The following SGCD variants were observed in gnomAD, a reference collection of about 807,000 sequenced individuals.
SGCD encodes the protein sarcoglycan delta, also known as delta-sarcoglycan.
A neutral mutation model predicts 36.6 loss-of-function variants in SGCD; 18 were observed. That is an observed-to-expected ratio of 0.49 (90% CI 0.34 to 0.73). The LOEUF (loss-of-function observed/expected upper bound fraction) is 0.73, where lower values mean the gene tolerates loss of function less well. Ranked by LOEUF, SGCD falls within the 30% of genes least tolerant of loss-of-function variation. The probability of loss-of-function intolerance (pLI) is 0.01; values close to 1 mark genes in which losing one functional copy is unlikely to be tolerated. For synonymous variants in SGCD, 133 were observed against 130.6 expected (o/e 1.02, Z -0.12); for missense variants, 387 against 346.7 (o/e 1.12, Z -0.92).
intron 7 of SGCD, among the ~76,000 whole-genome samples, chr5:156,677,438 G>A (rs1386955360): frequency 2.0e-5 from 3 of 151,792 alleles, no homozygotes; most frequent in South Asian, 2.1e-4. Flanking sequence ...CTATCGCAAG[G>A]ACAGAAAACC....
chr5:156,589,641 A>G (rs1022743230), intron 5 of SGCD, among the ~76,000 whole-genome samples: 27 of 152,198 alleles, frequency 1.8e-4, no homozygotes, highest in African/African-American at 4.8e-4. Context: ...TCTTGCTCCA[A>G]TGCTGGAGGA....
intron 1 of SGCD, among the ~76,000 whole-genome samples, chr5:155,967,515 C>G (rs554400508): frequency 2.0e-5 from 3 of 152,044 alleles, no homozygotes; most frequent in African/African-American, 7.2e-5. Context: ...TTTAAGGTTT[C>G]CATCATGATG....
chr5:156,285,923 A>C (rs569806995), intron 3 of SGCD, among the ~76,000 whole-genome samples: 2 of 152,328 alleles, frequency 1.3e-5, no homozygotes, highest in Admixed American at 6.5e-5. Context: ...TAATCTACTC[A>C]TCTGACAAAG....
At chr5:156,757,856 G>T in intron 8 of SGCD, 152 bp downstream of exon 8, 1 of 1,334,874 alleles carries the variant, frequency 7.5e-7, no homozygotes, top group South Asian at 2.5e-5. Context: ...TGAGCAGCAT[G>T]ATTATAAGCC....
chr5:155,993,337 C>CTTTTT (rs34221751), intron 1 of SGCD, among the ~76,000 whole-genome samples: 4 of 114,538 alleles, frequency 3.5e-5, no homozygotes, highest in African/African-American at 1.3e-4. Context: ...ATCTGGGGTC[C>CTTTTT]TTTTTTTTTT....
At chr5:155,973,243 C>T (rs922504170) in intron 1 of SGCD, among the ~76,000 whole-genome samples, 2 of 152,170 alleles carry the variant, frequency 1.3e-5, no homozygotes, top group African/African-American at 2.4e-5. Context: ...GCAGTGAAGT[C>T]CAAACCAGGA....
intron 1 of SGCD, among the ~76,000 whole-genome samples, chr5:156,114,985 A>G (rs946295194): frequency 6.6e-6 from 1 of 152,200 alleles, no homozygotes; most frequent in Non-Finnish European, 1.5e-5. Context: ...TGTATTATAA[A>G]ATATTACATT....
intron 3 of SGCD, among the ~76,000 whole-genome samples, chr5:156,249,326 A>C (rs540566842): frequency 6.6e-6 from 1 of 152,200 alleles, no homozygotes; most frequent in African/African-American, 2.4e-5. Flanking sequence ...AGAGTGTTCA[A>C]TTAGGGGAGA....
intron 1 of SGCD, among the ~76,000 whole-genome samples, chr5:156,015,392 T>C (rs1758947776): frequency 6.6e-6 from 1 of 152,122 alleles, no homozygotes; most frequent in Non-Finnish European, 1.5e-5. Context: ...TCATTATCTT[T>C]TGAGCATTTA....
At chr5:156,750,128 A>G (rs538563628) in intron 7 of SGCD, among the ~76,000 whole-genome samples, 1 of 152,230 alleles carries the variant, frequency 6.6e-6, no homozygotes, top group African/African-American at 2.4e-5. Flanking sequence ...ATATTCCATT[A>G]TATAAAATAG....
At chr5:155,852,689 G>C in the SGCD span, among the ~76,000 whole-genome samples, 3 of 152,124 alleles carry the variant, frequency 2.0e-5, no homozygotes, top group African/African-American at 7.2e-5. Flanking sequence ...AAAAAGAAAA[G>C]TGAAGGAGAA....
At chr5:156,650,473 T>G (rs1393773736) in intron 7 of SGCD, among the ~76,000 whole-genome samples, 1 of 152,100 alleles carries the variant, frequency 6.6e-6, no homozygotes, top group African/African-American at 2.4e-5. Flanking sequence ...AGGTAGTTTT[T>G]CAGCCCTTTG....
chr5:156,072,121 T>C (rs1760591227), intron 1 of SGCD, among the ~76,000 whole-genome samples: 1 of 151,930 alleles, frequency 6.6e-6, no homozygotes, highest in Admixed American at 6.5e-5. Flanking sequence ...GAGCATTTAG[T>C]CCATTTACAT....
intron 1 of SGCD, among the ~76,000 whole-genome samples, chr5:155,875,255 G>T (rs1227570784): frequency 1.3e-5 from 2 of 152,046 alleles, no homozygotes; most frequent in Non-Finnish European, 2.9e-5. Flanking sequence ...TTGGAAGGAG[G>T]TACAAGTAAA....
intron 1 of SGCD, among the ~76,000 whole-genome samples, chr5:155,922,869 G>A (rs769097709): frequency 6.6e-6 from 1 of 152,190 alleles, no homozygotes; most frequent in Non-Finnish European, 1.5e-5. Flanking sequence ...ATCACCAGAA[G>A]CTCCAGCCCA....
At chr5:156,348,371 A>G (rs1232464740) in intron 3 of SGCD, among the ~76,000 whole-genome samples, 1 of 152,184 alleles carries the variant, frequency 6.6e-6, no homozygotes, top group Non-Finnish European at 1.5e-5. Context: ...AGGCTCCTCC[A>G]AAAGACTCCT....
Position 156,522,937 on chromosome 5 carries a change from A to G in SGCD, c.294+14235A>G, listed in dbSNP as rs761386912. 1.2e-4 allele frequency among the ~76,000 whole-genome samples: 18 copies of G among 152,208 alleles called. 1 individual carries two copies. The highest frequency in any genetic ancestry group is 2.2e-4 in the Non-Finnish European group (15 of 68,034). Reference sequence around the variant, plus strand: ...AAACCCTAAGCCAGTCATCCTCAGCATGAATTGTTATTTTTGATTCTGTCA... The same window carrying G: ...AAACCCTAAGCCAGTCATCCTCAGCGTGAATTGTTATTTTTGATTCTGTCA... On this transcript the variant is annotated intron_variant, in intron 4 of 8. Transcript: ENST00000337851.
the SGCD span, among the ~76,000 whole-genome samples, chr5:155,763,561 A>G: frequency 6.6e-6 from 1 of 152,178 alleles, no homozygotes; most frequent in African/African-American, 2.4e-5. Context: ...AGAGAAAAAT[A>G]TAGGCGTGTT....
chr5:156,113,404 G>C (rs1761836097), intron 1 of SGCD, among the ~76,000 whole-genome samples: 1 of 152,000 alleles, frequency 6.6e-6, no homozygotes, highest in African/African-American at 2.4e-5. Flanking sequence ...TCAGGGACTG[G>C]GAATACAGCA....
Sources: allele counts gnomAD v4.1 joint callset (sites outside exome capture counted in the v4.1 genomes callset), GRCh38; gene constraint gnomAD v4.1.1; transcripts MANE v1.5; gene names NCBI Gene and HGNC (gene_info 2026-07-23, HGNC 2026-07-21).